DNAH14: variants seen among roughly 807,000 people sequenced by gnomAD.
DNAH14 encodes axonemal beta dynein heavy chain 14.
In DNAH14, 478 loss-of-function variants were observed where a neutral mutation model predicts 520.9. The ratio of observed to expected loss-of-function variants is 0.92; its 90% CI spans 0.85 to 0.99. DNAH14 has a LOEUF of 0.99. Among genes scored for constraint, DNAH14 ranks in the 50% least tolerant of loss-of-function variants. The pLI is 0.00. For synonymous variants in DNAH14, 1,581 were observed against 1,757.2 expected (o/e 0.90, Z 2.51); for missense variants, 4,831 against 5,234.5 (o/e 0.92, Z 2.38).
chr1:225,129,990 C>G (rs2078213228), intron 27 of DNAH14, among the ~76,000 whole-genome samples: 1 of 152,040 alleles, frequency 6.6e-6, no homozygotes, highest in African/African-American at 2.4e-5. Context: ...CAAACAACCC[C>G]ATCAAAAAGT....
intron 48 of DNAH14, among the ~76,000 whole-genome samples, chr1:225,265,849 C>T (rs2093094236): frequency 6.6e-6 from 1 of 151,696 alleles, no homozygotes; most frequent in South Asian, 2.1e-4. Flanking sequence ...CCTAATCATA[C>T]CAATAGAAAA....
At chr1:225,177,887 TAGAAG>T (rs2149271529) in intron 36 of DNAH14, among the ~76,000 whole-genome samples, 1 of 152,136 alleles carries the variant, frequency 6.6e-6, no homozygotes, top group South Asian at 2.1e-4. Flanking sequence ...GTGGAGCTGT[TAGAAG>T]AGGGCCACCA....
intron 81 of DNAH14, among the ~76,000 whole-genome samples, chr1:225,384,292 T>C (rs538489471): frequency 1.6e-4 from 25 of 152,306 alleles, no homozygotes; most frequent in Admixed American, 1.0e-3. Context: ...TGGATATCCT[T>C]GTTAACTTTC....
chr1:225,216,801 C>G (rs1351322864), intron 41 of DNAH14, among the ~76,000 whole-genome samples: 1 of 152,092 alleles, frequency 6.6e-6, no homozygotes, highest in Non-Finnish European at 1.5e-5. Flanking sequence ...TTCGTCTAAT[C>G]TTTTTTCAAG....
chr1:225,280,115 G>T (rs1459186538), intron 54 of DNAH14, among the ~76,000 whole-genome samples: 1 of 151,080 alleles, frequency 6.6e-6, no homozygotes, highest in African/African-American at 2.4e-5. Flanking sequence ...CTTAAAAATA[G>T]ATCTATAAAA....
intron 12 of DNAH14, among the ~76,000 whole-genome samples, chr1:225,039,837 C>A (rs1489252184): frequency 2.5e-5 from 3 of 121,150 alleles, no homozygotes; most frequent in African/African-American, 9.3e-5. Context: ...GAGATCCCGC[C>A]ACTGCACTCC....
intron 38 of DNAH14, among the ~76,000 whole-genome samples, chr1:225,196,772 GA>G (rs2086194601): frequency 6.6e-6 from 1 of 152,246 alleles, no homozygotes; most frequent in South Asian, 2.1e-4. Context: ...TAGTGATGTT[GA>G]GCATTTTTTC....
chr1:225,322,875 C>G, intron 62 of DNAH14, 52 bp downstream of exon 62: 1 of 1,431,910 alleles, frequency 7.0e-7, no homozygotes, highest in South Asian at 1.5e-5. Flanking sequence ...TCTGTGGGAT[C>G]AAACAGACCA....
intron 36 of DNAH14, among the ~76,000 whole-genome samples, chr1:225,182,512 A>G (rs934818385): frequency 1.3e-5 from 2 of 152,212 alleles, no homozygotes; most frequent in South Asian, 4.1e-4. Flanking sequence ...CGAGAGCTAA[A>G]TAATTAGTTG....
At chr1:225,031,850 C>T (rs2449310) in intron 11 of DNAH14, among the ~76,000 whole-genome samples, 152,077 of 152,190 alleles carry the variant, frequency 1, 75,982 homozygotes, top group Middle Eastern at 1. Context: ...AATTACCATT[C>T]CTTGTGTTGT....
In DNAH14 at chr1:224,964,490, G is replaced by A; in HGVS notation, c.379G>A (p.Asp127Asn). ...VSYDRTEPKD[D>N]DVIRNIIRLR... ...TTGTTCTATACCAGAACCAAAAGAT[G>A]ATGATGTGATAAGAAATATTATTAG... is the stretch of plus-strand genomic sequence containing the variant. The change falls in exon 5 of 86, where the codon GAT becomes AAT. Residue 127 changes from aspartate to asparagine, a missense_variant. Coordinates refer to ENST00000682510, the MANE Select transcript of DNAH14 (RefSeq NM_001367479.1). 6.2e-7 allele frequency: 1 copy of A among 1,608,570 alleles called. No homozygotes were observed. The highest frequency in any genetic ancestry group is 8.5e-7 in the Non-Finnish European group (1 of 1,176,870).
Position 224,964,585 on chromosome 1 carries a change from T to A in DNAH14, c.474T>A (p.Ile158=). ...GTTTGAAATACGGAAGCTCCAAAATTGCAATTCAGAAGATTACTTTAAAGG... is the reference window on the plus strand; with the variant it reads ...GTTTGAAATACGGAAGCTCCAAAATAGCAATTCAGAAGATTACTTTAAAGG... The part of the protein sequence containing the change: ...QHSLKYGSSK[I]AIQKITLKKP... The change falls in exon 5 of 86, where the codon ATT becomes ATA. Residue 158 remains isoleucine, a synonymous_variant. Coordinates refer to ENST00000682510, the MANE Select transcript of DNAH14 (RefSeq NM_001367479.1). 7.5e-6 allele frequency: 12 copies of A among 1,601,748 alleles called. No homozygotes were observed. Among genetic ancestry groups the A allele is most frequent in the Non-Finnish European group, 9.4e-6 (11 of 1,173,172 alleles).
At chr1:224,965,384 A>C (rs1427606761) in intron 5 of DNAH14, among the ~76,000 whole-genome samples, 1 of 152,096 alleles carries the variant, frequency 6.6e-6, no homozygotes, top group Non-Finnish European at 1.5e-5. Flanking sequence ...ACATGATTCT[A>C]ATGCACAATT....
intron 46 of DNAH14, among the ~76,000 whole-genome samples, chr1:225,260,838 A>C (rs779695131): frequency 1.4e-4 from 21 of 152,282 alleles, no homozygotes; most frequent in Non-Finnish European, 2.6e-4. Flanking sequence ...TATAGTTTTC[A>C]ATATACAGAA....
intron 30 of DNAH14, among the ~76,000 whole-genome samples, chr1:225,146,754 A>G (rs1240250207): frequency 6.6e-6 from 1 of 152,234 alleles, no homozygotes; most frequent in African/African-American, 2.4e-5. Flanking sequence ...AGTTGTCCTG[A>G]AGACTCTGCC....
At chr1:225,271,751 A>C (rs1476268422) in intron 50 of DNAH14, among the ~76,000 whole-genome samples, 155 bp from the exon 51 acceptor site, 2 of 152,210 alleles carry the variant, frequency 1.3e-5, no homozygotes, top group African/African-American at 4.8e-5. Flanking sequence ...GTTTTTACTA[A>C]TCTACCATCC....
At chr1:225,372,131 T>G (rs1433212501) in intron 77 of DNAH14, among the ~76,000 whole-genome samples, 1 of 152,186 alleles carries the variant, frequency 6.6e-6, no homozygotes, top group Non-Finnish European at 1.5e-5. Flanking sequence ...ATCCATGTTC[T>G]TTATGGGAAG....
intron 20 of DNAH14, among the ~76,000 whole-genome samples, chr1:225,083,907 T>C (rs2073429671): frequency 6.6e-6 from 1 of 152,134 alleles, no homozygotes; most frequent in Admixed American, 6.6e-5. Context: ...ATTGGAACTA[T>C]TCTTGGGTAA....
intron 55 of DNAH14, among the ~76,000 whole-genome samples, chr1:225,299,095 A>C (rs965050915): frequency 4.6e-5 from 7 of 152,166 alleles, no homozygotes; most frequent in African/African-American, 9.7e-5. Context: ...TCTTATGGGG[A>C]AGACTACTTC....
Sources: allele counts gnomAD v4.1 joint callset (sites outside exome capture counted in the v4.1 genomes callset), GRCh38; gene constraint gnomAD v4.1.1; transcripts MANE v1.5; gene names NCBI Gene and HGNC (gene_info 2026-07-23, HGNC 2026-07-21).